ZFPM2: variants seen among roughly 807,000 people sequenced by gnomAD.
ZFPM2 encodes zinc finger protein, FOG family member 2, also known as zinc finger protein ZFPM2.
In ZFPM2, 20 loss-of-function variants were observed where a neutral mutation model predicts 98.6. That is an observed-to-expected ratio of 0.20 (90% CI 0.14 to 0.29). The LOEUF (loss-of-function observed/expected upper bound fraction) is 0.29, where lower values mean the gene tolerates loss of function less well. Ranked by LOEUF, ZFPM2 falls within the 10% of genes least tolerant of loss-of-function variation. The probability of loss-of-function intolerance (pLI) is 1.00; values close to 1 mark genes in which losing one functional copy is unlikely to be tolerated. For missense variants in ZFPM2, 1,310 were observed against 1,388.6 expected (o/e 0.94, Z 0.90); for synonymous variants, 518 against 502.7 (o/e 1.03, Z -0.41).
intron 1 of ZFPM2, among the ~76,000 whole-genome samples, chr8:105,328,928 T>C (rs186441123): frequency 6.6e-6 from 1 of 151,932 alleles, no homozygotes; most frequent in Non-Finnish European, 1.5e-5. Flanking sequence ...CTGACCAACC[T>C]GGGACTTGAG....
chr8:105,564,457 A>G (rs1181050687), intron 4 of ZFPM2, among the ~76,000 whole-genome samples: 1 of 152,028 alleles, frequency 6.6e-6, no homozygotes, highest in East Asian at 1.9e-4. Context: ...TTCTGAGTTT[A>G]TATCATTAAA....
At chr8:105,627,104 A>G (rs1360162539) in intron 4 of ZFPM2, among the ~76,000 whole-genome samples, 4 of 151,968 alleles carry the variant, frequency 2.6e-5, no homozygotes, top group East Asian at 1.9e-4. Context: ...TTAGTCCTCT[A>G]TTATTTACCT....
At chr8:105,734,185 A>T (rs1326455366) in intron 5 of ZFPM2, among the ~76,000 whole-genome samples, 1 of 151,950 alleles carries the variant, frequency 6.6e-6, no homozygotes, top group Non-Finnish European at 1.5e-5. Context: ...GCATAAATGC[A>T]AAAGAAAAAT....
chr8:105,430,258 C>T (rs1470918097), intron 2 of ZFPM2, among the ~76,000 whole-genome samples: 1 of 152,144 alleles, frequency 6.6e-6, no homozygotes, highest in Admixed American at 6.5e-5. Context: ...AAGGAGGCCC[C>T]CTGAATTGTA....
intron 3 of ZFPM2, among the ~76,000 whole-genome samples, chr8:105,535,677 G>A (rs1751482467): frequency 1.3e-5 from 2 of 152,106 alleles, no homozygotes; most frequent in Non-Finnish European, 1.5e-5. Context: ...AAATTATAGT[G>A]TCTAAATTCA....
intron 5 of ZFPM2, among the ~76,000 whole-genome samples, chr8:105,725,371 T>A (rs1283025895): frequency 1.3e-5 from 2 of 151,862 alleles, no homozygotes; most frequent in East Asian, 3.9e-4. Flanking sequence ...AAGTGTGCTC[T>A]TCTAAGTTAG....
At chr8:105,442,424 T>C (rs2130202053) in intron 2 of ZFPM2, among the ~76,000 whole-genome samples, 1 of 152,272 alleles carries the variant, frequency 6.6e-6, no homozygotes, top group African/African-American at 2.4e-5. Flanking sequence ...CAACTTACCC[T>C]CTTTGTGTTT....
At chr8:105,617,457 G>C (rs55713739) in intron 4 of ZFPM2, among the ~76,000 whole-genome samples, 1 of 152,248 alleles carries the variant, frequency 6.6e-6, no homozygotes, top group South Asian at 2.1e-4. Flanking sequence ...TTTAAGTGTA[G>C]AATCCTCCAT....
intron 3 of ZFPM2, among the ~76,000 whole-genome samples, chr8:105,549,041 A>G (rs1814780539): frequency 6.6e-6 from 1 of 152,152 alleles, no homozygotes; most frequent in Non-Finnish European, 1.5e-5. Context: ...AGGTCTATTG[A>G]TCACACCTCA....
intron 4 of ZFPM2, among the ~76,000 whole-genome samples, chr8:105,606,598 G>A (rs1396750853): frequency 3.3e-5 from 5 of 151,968 alleles, no homozygotes; most frequent in Non-Finnish European, 7.4e-5. Context: ...ACAAAGGCTG[G>A]CACAGAGCAA....
chr8:105,760,860 G>A (rs989045034), intron 5 of ZFPM2, among the ~76,000 whole-genome samples: 2 of 152,034 alleles, frequency 1.3e-5, no homozygotes, highest in African/African-American at 4.8e-5. Flanking sequence ...ATATTGTTGA[G>A]TCCCTTTTCT....
At chr8:105,604,011 G>A (rs1325090340) in intron 4 of ZFPM2, among the ~76,000 whole-genome samples, 1 of 151,948 alleles carries the variant, frequency 6.6e-6, no homozygotes, top group African/African-American at 2.4e-5. Flanking sequence ...CCATGTTAAA[G>A]CCAAATTTAA....
chr8:105,396,534 AC>A (rs1811221659), intron 1 of ZFPM2, among the ~76,000 whole-genome samples: 1 of 152,216 alleles, frequency 6.6e-6, no homozygotes, highest in African/African-American at 2.4e-5. Flanking sequence ...TGAGAGTAAT[AC>A]ATGTTCAATA....
At chr8:105,426,903 G>A (rs1233721678) in intron 2 of ZFPM2, among the ~76,000 whole-genome samples, 11 of 152,154 alleles carry the variant, frequency 7.2e-5, no homozygotes, top group African/African-American at 2.7e-4. Flanking sequence ...GTTGCCATGA[G>A]CCCAGATCAT....
chr8:105,394,418 G>A (rs375324130), intron 1 of ZFPM2, among the ~76,000 whole-genome samples: 3 of 152,070 alleles, frequency 2.0e-5, no homozygotes, highest in African/African-American at 7.2e-5. Context: ...TTACTCTTTA[G>A]CTCAGTTTCA....
At chr8:105,363,742 G>A (rs561819001) in intron 1 of ZFPM2, among the ~76,000 whole-genome samples, 1 of 151,990 alleles carries the variant, frequency 6.6e-6, no homozygotes, top group East Asian at 1.9e-4. Context: ...TGCTAAGTTT[G>A]GGGAAACTTA....
intron 1 of ZFPM2, among the ~76,000 whole-genome samples, chr8:105,320,256 T>TTGTGTGTGTGTGTGTGTG: frequency 7.0e-6 from 1 of 142,260 alleles, no homozygotes; most frequent in Admixed American, 7.0e-5. Context: ...ATTCAGATCT[T>TTGTGTGTGTGTGTGTGTG]TGTGTGTGTG....
chr8:105,527,021 G>C (rs188361778), intron 3 of ZFPM2, among the ~76,000 whole-genome samples: 1 of 152,198 alleles, frequency 6.6e-6, no homozygotes, highest in Non-Finnish European at 1.5e-5. Context: ...TCCTAGGGTT[G>C]TTATGAGGAA....
chr8:105,356,818 C>T lies in ZFPM2; in HGVS notation c.40+37837C>T, dbSNP rs552557710. Among the ~76,000 whole-genome samples the T allele has an allele frequency of 1.2e-4, 19 of 152,200 alleles. No homozygotes were observed. In the South Asian group the frequency reaches 2.9e-3, roughly 23 times the overall value. Reference sequence around the variant, plus strand: ...CATTTCTATTTCTTGCCTGCCTTTTCGAGAAGTGGCACCACTCACTGATTT... The same window carrying T: ...CATTTCTATTTCTTGCCTGCCTTTTTGAGAAGTGGCACCACTCACTGATTT... On this transcript the variant is annotated intron_variant, in intron 1 of 7. Transcript: ENST00000407775.
Sources: gnomAD v4.1 joint callset for allele counts (sites outside exome capture counted in the v4.1 genomes callset) on GRCh38, gnomAD v4.1.1 for gene constraint, MANE v1.5 for transcripts, NCBI Gene and HGNC (gene_info 2026-07-23, HGNC 2026-07-21) for gene names.